SLC11A2: variants seen among roughly 807,000 people sequenced by gnomAD.
SLC11A2 encodes solute carrier family 11 member 2.
SLC11A2 carries 38 observed loss-of-function variants against 68.0 expected under a neutral mutation model. That is an observed-to-expected ratio of 0.56 (90% CI 0.43 to 0.73). SLC11A2 has a LOEUF of 0.73. SLC11A2 is among the 30% of genes least tolerant of loss of function. The pLI, the probability that SLC11A2 is intolerant of heterozygous loss-of-function variation, is 0.00. For synonymous variants in SLC11A2, 242 were observed against 250.6 expected (o/e 0.97, Z 0.32); for missense variants, 517 against 690.5 (o/e 0.75, Z 2.82).
At chr12:50,968,080 T>C in the SLC11A2 span, among the ~76,000 whole-genome samples, 6 of 151,284 alleles carry the variant, frequency 4.0e-5, no homozygotes, top group Admixed American at 1.3e-4. Flanking sequence ...AGCGAGGCAT[T>C]GTCTCAAATA....
downstream of SLC11A2, chr12:50,979,973 C>G (rs968212723): frequency 2.2e-6 from 1 of 453,874 alleles, no homozygotes; most frequent in African/African-American, 2.0e-5. Context: ...CGCCTATAAT[C>G]TCAGCACTTT....
At chr12:51,016,697 G>C (rs1484740717) in intron 1 of SLC11A2, among the ~76,000 whole-genome samples, 2 of 78,334 alleles carry the variant, frequency 2.6e-5, no homozygotes, top group East Asian at 8.0e-4. Flanking sequence ...AAAAAAAAAA[G>C]TTAGCCGGGT....
intron 1 of SLC11A2, among the ~76,000 whole-genome samples, chr12:51,013,796 T>A (rs184182156): frequency 1.6e-4 from 24 of 152,024 alleles, no homozygotes; most frequent in Admixed American, 1.1e-3. Context: ...AAGATTTTTA[T>A]CCAGAATAGG....
rs1474144441 is a variant in SLC11A2 at position 50,991,444 on chromosome 12, A to T, written c.1421+155T>A. 4.4e-6 allele frequency: 3 copies of T among 679,652 alleles called. No individual in the cohort carries two copies. The African/African-American group carries it at 5.3e-5, about 12-fold the overall frequency. 42.1% of individuals were successfully genotyped at this position (679,652 alleles called of 1,614,324 possible). ...CTTTCTCTTCCTTTACTATATTCAC[A>T]GTTTCCATTCTCTAAGCCAAAGAGG... On this transcript the variant is annotated intron_variant, in intron 14 of 15. Transcript: ENST00000262052.
chr12:50,986,612 C>G lies in SLC11A2; in HGVS notation c.*1713G>C. 1 of 1,286,836 alleles carries G rather than the reference C, an allele frequency of 7.8e-7. No homozygotes were observed. Among genetic ancestry groups the G allele is most frequent in the Non-Finnish European group, 1.0e-6 (1 of 988,632 alleles). The allele number at this position is 1,286,836 out of a possible 1,614,324, so 79.7% of individuals were successfully genotyped here. A position where few individuals can be genotyped will look rare whatever the true frequency, so the allele number is the denominator to read the frequency against. On this transcript the variant is annotated 3_prime_UTR_variant, in exon 16 of 16. Coordinates refer to ENST00000262052, the MANE Select transcript of SLC11A2 (RefSeq NM_000617.3). Reference sequence around the variant, plus strand: ...TCAGTTTGGCCTTTCCTACTGCAGCCAGGTGAGAGCTTAAGATGTCAGTCC... The same window carrying G: ...TCAGTTTGGCCTTTCCTACTGCAGCGAGGTGAGAGCTTAAGATGTCAGTCC...
chr12:51,024,223 A>G (rs548673571), intron 1 of SLC11A2: 1 of 152,376 alleles, frequency 6.6e-6, no homozygotes, highest in Admixed American at 6.5e-5. Flanking sequence ...CCACTGGTGT[A>G]TCCCAGATAG....
the SLC11A2 span, chr12:50,961,009 A>G: frequency 6.2e-7 from 1 of 1,609,316 alleles, no homozygotes; most frequent in Non-Finnish European, 8.5e-7. Flanking sequence ...TGGTCTTTAC[A>G]AGCTAAAGTA....
chr12:50,995,704 A>C lies in SLC11A2; in HGVS notation c.915T>G (p.Phe305Leu), dbSNP rs1301192036. 6.2e-7 allele frequency: 1 copy of C among 1,614,140 alleles called. No homozygotes were observed. The highest frequency in any genetic ancestry group is 1.7e-5 in the Admixed American group (1 of 60,020). Residue 305 changes from phenylalanine (F) to leucine (L), a missense_variant, in exon 10 of 16, where the codon TTT (phenylalanine) becomes TTG (leucine). Phe to Leu is a conservative substitution (Grantham distance 22). Transcript: ENST00000262052. ...YFFIESCIAL[F>L]VSFIINVFVV... The stretch of plus-strand genomic sequence containing the variant: ...CAAAGACATTGATGATGAAGGAAAC[A>C]AAGAGTGCAATGCAGGATTCAATGA...
At chr12:50,998,579 T>C (rs1013429927) in intron 8 of SLC11A2, among the ~76,000 whole-genome samples, 3 of 152,164 alleles carry the variant, frequency 2.0e-5, no homozygotes, top group Non-Finnish European at 4.4e-5. Context: ...CCAAGAGGCA[T>C]AATCAACCCA....
At chr12:50,993,505 C>T (rs1290051889) in intron 11 of SLC11A2, among the ~76,000 whole-genome samples, 2 of 151,488 alleles carry the variant, frequency 1.3e-5, no homozygotes, top group Non-Finnish European at 2.9e-5. Flanking sequence ...CAAGCCTAGG[C>T]AACATGGCAA....
downstream of SLC11A2, chr12:50,981,839 T>A: frequency 8.1e-7 from 1 of 1,237,050 alleles, no homozygotes; most frequent in Non-Finnish European, 1.1e-6. Flanking sequence ...TTAGACTGAT[T>A]TTCACGTATT....
the SLC11A2 span, among the ~76,000 whole-genome samples, chr12:50,953,100 T>A: frequency 6.6e-5 from 10 of 151,968 alleles, no homozygotes; most frequent in East Asian, 2.0e-3. Flanking sequence ...AGCCGACCAC[T>A]CCCCCAGTCC....
At chr12:51,003,637 G>C (rs1392559163) in intron 5 of SLC11A2, among the ~76,000 whole-genome samples, 1 of 149,764 alleles carries the variant, frequency 6.7e-6, no homozygotes, top group Admixed American at 6.7e-5. Context: ...TATGAAGAAA[G>C]AGAAGCTAGG....
intron 15 of SLC11A2, among the ~76,000 whole-genome samples, chr12:50,989,825 T>C (rs1940966812): frequency 1.3e-5 from 2 of 152,224 alleles, no homozygotes; most frequent in African/African-American, 4.8e-5. Flanking sequence ...GGAAGTGTTC[T>C]AGAGATTAAC....
chr12:51,000,161 C>A (rs1226600431), intron 6 of SLC11A2, 152 bp downstream of exon 6: 4 of 689,780 alleles, frequency 5.8e-6, no homozygotes, highest in Non-Finnish European at 1.1e-5. Context: ...CTACATCTAC[C>A]AGGGGAGAAG....
the SLC11A2 span, among the ~76,000 whole-genome samples, chr12:50,953,360 A>C: frequency 6.6e-6 from 1 of 152,210 alleles, no homozygotes; most frequent in Admixed American, 6.5e-5. Flanking sequence ...CTGCACAGGG[A>C]ACAGACTCAG....
At chr12:51,026,514 T>C (rs1355489701), upstream of SLC11A2, 3 of 459,226 alleles carry the variant, frequency 6.5e-6, no homozygotes, top group African/African-American at 4.4e-5. Flanking sequence ...CCACGCGGAG[T>C]CTGGATGCGG....
downstream of SLC11A2, chr12:50,981,772 A>G (rs1940039880): frequency 6.5e-7 from 1 of 1,535,418 alleles, no homozygotes; most frequent in South Asian, 1.2e-5. Flanking sequence ...CAGAAGATAG[A>G]GTTCAGGCTG....
At chr12:50,979,648 G>C (rs1248732727), downstream of SLC11A2, 2 of 357,988 alleles carry the variant, frequency 5.6e-6, no homozygotes, top group African/African-American at 4.3e-5. Context: ...TCTATAGCCT[G>C]AGTTGCAGGG....
Sources: gnomAD v4.1 joint callset for allele counts (sites outside exome capture counted in the v4.1 genomes callset) on GRCh38, gnomAD v4.1.1 for gene constraint, MANE v1.5 for transcripts, NCBI Gene and HGNC (gene_info 2026-07-23, HGNC 2026-07-21) for gene names.